The following PCDHA2 variants were observed in gnomAD, a reference collection of about 807,000 sequenced individuals.
The protein encoded by PCDHA2 is protocadherin alpha 2, also known as protocadherin alpha-2.
PCDHA2 carries 58 observed loss-of-function variants against 66.0 expected under a neutral mutation model. The observed-to-expected ratio is 0.88, with a 90% CI of 0.71 to 1.09. The LOEUF (loss-of-function observed/expected upper bound fraction) is 1.09. Among genes scored for constraint, PCDHA2 ranks in the 50% least tolerant of loss-of-function variants. PCDHA2 has a pLI of 0.00. For synonymous variants in PCDHA2, 634 were observed against 554.0 expected (o/e 1.14, Z -2.03); for missense variants, 1,267 against 1,242.3 (o/e 1.02, Z -0.30).
intron 1 of PCDHA2, chr5:140,870,490 G>A (rs372818492): frequency 7.8e-5 from 126 of 1,614,116 alleles, no homozygotes; most frequent in Non-Finnish European, 1.1e-4. Context: ...CACCGTGTTC[G>A]TGAAGGAGAA....
At chr5:140,831,281 C>G (rs1312764536) in intron 1 of PCDHA2, 1 of 152,158 alleles carries the variant, frequency 6.6e-6, no homozygotes, top group Non-Finnish European at 1.5e-5. Context: ...ATGGTCTTCT[C>G]TTCATGGAGT....
chr5:140,848,428 C>T, intron 1 of PCDHA2: 1 of 1,450,060 alleles, frequency 6.9e-7, no homozygotes, highest in Non-Finnish European at 9.4e-7. Flanking sequence ...ATGGGACTGA[C>T]GAAATCAGAT....
rs1404352255 is a variant in PCDHA2 at position 140,843,932 on chromosome 5, T to C, written c.2388+46580T>C. 7 of 583,528 alleles carry C rather than the reference T, an allele frequency of 1.2e-5. No homozygotes were observed. In the East Asian group the frequency reaches 1.4e-4, roughly 12 times the overall value. The allele number at this position is 583,528 out of a possible 1,614,324, so 36.1% of individuals were successfully genotyped here. A position where few individuals can be genotyped will look rare whatever the true frequency, so the allele number is the denominator to read the frequency against. ...TGGGTCTATCTTGAAACTCAAGTTA[T>C]GGTTGGATGATATCCATTTTTTACT... is the stretch of plus-strand genomic sequence containing the variant. On this transcript the variant is annotated intron_variant, in intron 1 of 3. Transcript: ENST00000526136.
At position 140,795,825 on chromosome 5, in the gene PCDHA2, C is replaced by T. The variant is rs782460542; in HGVS notation, c.861C>T (p.Ser287=). The part of the protein sequence containing the change: ...IVYSLGSDVS[S]TIQTKFTIDP... ...ATTCACTCGGTAGTGATGTGTCCTC[C>T]ACTATACAGACTAAGTTTACCATAG... Residue 287 remains serine (S), a synonymous_variant, in exon 1 of 4, where the codon TCC becomes TCT. Coordinates refer to ENST00000526136, the MANE Select transcript of PCDHA2 (RefSeq NM_018905.3). 1.2e-6 allele frequency: 2 copies of T among 1,613,680 alleles called. No individual in the cohort carries two copies. Among genetic ancestry groups the T allele is most frequent in the South Asian group, 2.2e-5 (2 of 91,070 alleles).
chr5:140,828,281 T>G lies in PCDHA2; in HGVS notation c.2388+30929T>G, dbSNP rs143573134. 144 of 1,613,970 alleles carry G rather than the reference T, an allele frequency of 8.9e-5. No homozygotes were observed. Among genetic ancestry groups the G allele is most frequent in the Non-Finnish European group, 1.2e-4 (139 of 1,180,050 alleles). On this transcript the variant is annotated intron_variant, in intron 1 of 3. Transcript: ENST00000526136. ...GCTGGCGGAGCTGGTGCCGCGCCTG[T>G]TCAGGATGGCCTCCAAAGACCGCGA... is the stretch of plus-strand genomic sequence containing the variant.
rs1427134752 is a variant in PCDHA2 at position 140,834,645 on chromosome 5, T to C, written c.2388+37293T>C. Reference sequence around the variant, plus strand: ...GCAGAATGGCATTTTGTTTGTGAATTCTCGGATCGACCGCGAGGAGCTGTG... The same window carrying C: ...GCAGAATGGCATTTTGTTTGTGAATCCTCGGATCGACCGCGAGGAGCTGTG... On this transcript the variant is annotated intron_variant, in intron 1 of 3. Transcript: ENST00000526136. The C allele has an allele frequency of 2.5e-6, 4 of 1,614,086 alleles. No individual in the cohort carries two copies. The East Asian group carries it at 8.9e-5, about 36-fold the overall frequency.
At chr5:140,866,241 A>C (rs1554160141) in intron 1 of PCDHA2, 1 of 152,134 alleles carries the variant, frequency 6.6e-6, no homozygotes, top group African/African-American at 2.4e-5. Context: ...ATATACCAAA[A>C]ATGACACCCT....
chr5:140,851,353 G>A, intron 1 of PCDHA2: 1 of 976,274 alleles, frequency 1.0e-6, no homozygotes, highest in Non-Finnish European at 1.2e-6. Context: ...TCTGGATGGA[G>A]ACTGTGAACA....
Position 141,000,690 on chromosome 5 carries a change from A to G in PCDHA2, c.2537-8937A>G, listed in dbSNP as rs550187550. On this transcript the variant is annotated intron_variant, in intron 3 of 3. Transcript: ENST00000526136. The stretch of plus-strand genomic sequence containing the variant: ...TGATCCACCTGCCTCTGCCTCCCAA[A>G]GTGCTGGGATTACAGGCATGAGCCA... 4.2e-3 allele frequency among the ~76,000 whole-genome samples: 638 copies of G among 151,554 alleles called. 1 individual carries two copies. The highest frequency in any genetic ancestry group is 7.2e-3 in the Non-Finnish European group (489 of 67,874).
At chr5:140,808,867 C>T (rs782544974) in intron 1 of PCDHA2, 18 of 1,613,062 alleles carry the variant, frequency 1.1e-5, no homozygotes, top group African/African-American at 4.0e-5. Flanking sequence ...ACGAAAACGA[C>T]AACGCGCCAG....
intron 1 of PCDHA2, chr5:140,852,931 T>C: frequency 1.6e-6 from 1 of 623,668 alleles, no homozygotes; most frequent in Non-Finnish European, 2.1e-6. Context: ...CAGGCTGGAG[T>C]GCAGTGGTGC....
At chr5:140,816,634 C>A (rs1274494643) in intron 1 of PCDHA2, 7 of 152,054 alleles carry the variant, frequency 4.6e-5, no homozygotes, top group African/African-American at 1.7e-4. Context: ...AACAACAACA[C>A]ACCAGCTACC....
intron 1 of PCDHA2, chr5:140,809,439 C>G (rs1187355294): frequency 6.2e-7 from 1 of 1,614,202 alleles, no homozygotes; most frequent in East Asian, 2.2e-5. Flanking sequence ...TGGTCATACT[C>G]GCAGCAGAGG....
rs140234108 is a variant in PCDHA2, at chr5:140,845,054, G to A, written c.2388+47702G>A. 4.2e-4 allele frequency among the ~76,000 whole-genome samples: 62 copies of A among 149,352 alleles called. 3 individuals are homozygous for A. The highest frequency in any genetic ancestry group is 7.5e-4 in the Non-Finnish European group (50 of 66,646). ...ATTTTAGCCCCCTTGTCCAACTGAA[G>A]GTAACCTCAAAGCAGCATTGTTTTG... On this transcript the variant is annotated intron_variant, in intron 1 of 3. Transcript: ENST00000526136.
In PCDHA2 at chr5:140,994,514, G is replaced by A. The variant is rs186617066; in HGVS notation, c.2536+11951G>A. On this transcript the variant is annotated intron_variant, in intron 3 of 3. Transcript: ENST00000526136. Reference sequence around the variant, plus strand: ...ACCCAGGAGTTTGAGAACAGCCTGGGCAACATGGCAAAACCCCATCTCTAC... The same window carrying A: ...ACCCAGGAGTTTGAGAACAGCCTGGACAACATGGCAAAACCCCATCTCTAC... Among the ~76,000 whole-genome samples, 76 of 150,406 alleles carry A rather than the reference G, an allele frequency of 5.1e-4. 1 individual carries two copies. The highest frequency in any genetic ancestry group is 8.8e-5 in the Non-Finnish European group (6 of 67,822).
intron 1 of PCDHA2, chr5:140,812,311 C>T (rs1554125951): frequency 6.6e-6 from 1 of 151,858 alleles, no homozygotes; most frequent in Non-Finnish European, 1.5e-5. Flanking sequence ...ATTTTAAAAG[C>T]CTCTTATAAT....
rs782513202 is a variant in PCDHA2, at chr5:140,796,210, G to C, written c.1246G>C (p.Glu416Gln). Residue 416 changes from glutamate (E) to glutamine (Q), a missense_variant, in exon 1 of 4, where the codon GAG becomes CAG. Transcript: ENST00000526136. Reference sequence around the variant, plus strand: ...GGTGCTGGACAGCGCCCTGGACCGCGAGAGCGTGTCAGCCTATGAGCTGGT... The same window carrying C: ...GGTGCTGGACAGCGCCCTGGACCGCCAGAGCGTGTCAGCCTATGAGCTGGT... ...SLVLDSALDR[E>Q]SVSAYELVVT... 1 of 1,614,190 alleles carries C rather than the reference G, an allele frequency of 6.2e-7. No homozygotes were observed. Among genetic ancestry groups the C allele is most frequent in the Non-Finnish European group, 8.5e-7 (1 of 1,180,046 alleles).
chr5:140,870,200 C>A, intron 1 of PCDHA2: 1 of 1,614,174 alleles, frequency 6.2e-7, no homozygotes, highest in South Asian at 1.1e-5. Flanking sequence ...CAGCCCAGCA[C>A]GGTCATTGCC....
At chr5:140,926,685 A>C in intron 1 of PCDHA2, 1 of 665,408 alleles carries the variant, frequency 1.5e-6, no homozygotes, top group Non-Finnish European at 2.3e-6. Context: ...CCTCCAGCCT[A>C]GCAAGCCCGG....
Sources: allele counts gnomAD v4.1 joint callset (sites outside exome capture counted in the v4.1 genomes callset), GRCh38; gene constraint gnomAD v4.1.1; transcripts MANE v1.5; gene names NCBI Gene and HGNC (gene_info 2026-07-23, HGNC 2026-07-21).